The following AFAP1L1 variants were observed in gnomAD, a reference collection of about 807,000 sequenced individuals.
AFAP1L1 encodes the protein actin filament-associated protein 1-like 1.
In AFAP1L1, 77 loss-of-function variants were observed where a neutral mutation model predicts 99.8. The ratio of observed to expected loss-of-function variants is 0.77; its 90% CI spans 0.64 to 0.93. The LOEUF is 0.93. Ranked by LOEUF, AFAP1L1 falls within the 40% of genes least tolerant of loss-of-function variation. The pLI, the probability that AFAP1L1 is intolerant of heterozygous loss-of-function variation, is 0.00. For synonymous variants in AFAP1L1, 373 were observed against 395.3 expected, an observed-to-expected ratio of 0.94 and a Z score of 0.67; for missense variants, 893 against 996.8, an observed-to-expected ratio of 0.90 and a Z score of 1.40.
intron 2 of AFAP1L1, among the ~76,000 whole-genome samples, chr5:149,299,971 C>T (rs969373444): frequency 6.6e-6 from 1 of 152,076 alleles, no homozygotes; most frequent in African/African-American, 2.4e-5. Context: ...ACAACACACA[C>T]AGCCCCTCAC....
Position 149,312,313 on chromosome 5 carries a change from C to G in AFAP1L1, c.1020+109C>G, listed in dbSNP as rs745937102. On this transcript the variant is annotated intron_variant, in intron 9 of 18. Coordinates refer to ENST00000296721, the MANE Select transcript of AFAP1L1 (RefSeq NM_152406.4). ...GGGGGAAAGTCAGGCAACTGCCAAACTGTAGGTGCCCAGCACAGAGCTGGC... is the reference window on the plus strand; with the variant it reads ...GGGGGAAAGTCAGGCAACTGCCAAAGTGTAGGTGCCCAGCACAGAGCTGGC... The G allele has an allele frequency of 1.5e-5, 15 of 1,016,956 alleles. No individual in the cohort carries two copies. The South Asian group carries it at 1.8e-4, about 12-fold the overall frequency. 63.0% of individuals were successfully genotyped at this position (1,016,956 alleles called of 1,614,324 possible).
intron 5 of AFAP1L1, 129 bp from the exon 6 acceptor site, chr5:149,306,177 C>T (rs1429311719): frequency 1.5e-5 from 10 of 688,670 alleles, no homozygotes; most frequent in Non-Finnish European, 2.2e-5. Context: ...CACACCCTGG[C>T]CTGAGCTGCT....
rs1453034707 is a variant in AFAP1L1 at position 149,341,416 on chromosome 5, C to T, written c.*1386C>T. ...ATAGGGCTAGGTTTGAGCCATGCCTCTAATGACCAGCTGGGTGACCTTGGG... is the reference window on the plus strand; with the variant it reads ...ATAGGGCTAGGTTTGAGCCATGCCTTTAATGACCAGCTGGGTGACCTTGGG... On this transcript the variant is annotated 3_prime_UTR_variant, in exon 19 of 19. Transcript: ENST00000296721. The T allele has an allele frequency of 6.6e-6, 1 of 152,190 alleles. No homozygotes were observed. The highest frequency in any genetic ancestry group is 1.5e-5 in the Non-Finnish European group (1 of 68,044). 9.4% of individuals were successfully genotyped at this position (152,190 alleles called of 1,614,324 possible). A position where few individuals can be genotyped will look rare whatever the true frequency, so the allele number is the denominator to read the frequency against.
intron 17 of AFAP1L1, among the ~76,000 whole-genome samples, chr5:149,333,452 C>T (rs1026574911): frequency 6.6e-6 from 1 of 152,186 alleles, no homozygotes; most frequent in African/African-American, 2.4e-5. Context: ...TCTCACATGC[C>T]CTCTCCTGAG....
At chr5:149,324,008 T>A (rs936109610) in intron 15 of AFAP1L1, among the ~76,000 whole-genome samples, 1 of 152,244 alleles carries the variant, frequency 6.6e-6, no homozygotes, top group African/African-American at 2.4e-5. Flanking sequence ...AAAGTGGAGC[T>A]ACTCTGGTTG....
In AFAP1L1 at chr5:149,343,038, A is replaced by G. The variant is rs1757601071; in HGVS notation, c.*3008A>G. ...CTGTTTCCTTATTGCGGGATCTTGC[A>G]TAGGTTTACCAACCTTTCTGAGCCT... On this transcript the variant is annotated 3_prime_UTR_variant, in exon 19 of 19. Transcript: ENST00000296721. Among the ~76,000 whole-genome samples the G allele has an allele frequency of 6.6e-6, 1 of 152,206 alleles. No individual in the cohort carries two copies. Among genetic ancestry groups the G allele is most frequent in the Non-Finnish European group, 1.5e-5 (1 of 68,034 alleles).
chr5:149,321,858 G>A (rs377612435), intron 14 of AFAP1L1, among the ~76,000 whole-genome samples: 1 of 151,768 alleles, frequency 6.6e-6, no homozygotes, highest in Admixed American at 6.6e-5. Context: ...TGGCCAACAT[G>A]GCAAAACCCT....
chr5:149,307,828 C>G (rs867063776), intron 7 of AFAP1L1, among the ~76,000 whole-genome samples: 4 of 128,340 alleles, frequency 3.1e-5, no homozygotes, highest in Non-Finnish European at 6.9e-5. Flanking sequence ...TTCTCTCTCT[C>G]TCTCTCTCTC....
At chr5:149,302,844 T>G (rs1320980301) in intron 5 of AFAP1L1, among the ~76,000 whole-genome samples, 1 of 152,204 alleles carries the variant, frequency 6.6e-6, no homozygotes, top group Non-Finnish European at 1.5e-5. Context: ...ACCATGTCAG[T>G]GTGCTAGGAG....
Position 149,320,157 on chromosome 5 carries a change from G to C in AFAP1L1, c.1626-234G>C, listed in dbSNP as rs1332482114. Among the ~76,000 whole-genome samples, 2 of 152,228 alleles carry C rather than the reference G, an allele frequency of 1.3e-5. No individual in the cohort carries two copies. Among genetic ancestry groups the C allele is most frequent in the African/African-American group, 4.8e-5 (2 of 41,462 alleles). On this transcript the variant is annotated intron_variant, in intron 13 of 18. Transcript: ENST00000296721. The surrounding 1 kb of genome is among the most constrained non-coding windows in gnomAD (Gnocchi z 4.0). ...TCGGATCTCTGTTTTCTGACTCATA[G>C]AATGGTGGTGATGAATTACCTGCCT... is the stretch of plus-strand genomic sequence containing the variant.
intron 1 of AFAP1L1, among the ~76,000 whole-genome samples, chr5:149,277,608 A>G (rs549834259): frequency 5.3e-5 from 8 of 152,328 alleles, no homozygotes; most frequent in African/African-American, 1.9e-4. Flanking sequence ...CCTTATCCAT[A>G]TTCGAATCAT....
Position 149,315,985 on chromosome 5 carries a change from G to A in AFAP1L1, c.1114+71G>A, listed in dbSNP as rs374211562. Reference sequence around the variant, plus strand: ...CGGGCCTTGCCCATGGGCACACAGCGGCAGAGCAGGTTCTGACCATTCTGT... The same window carrying A: ...CGGGCCTTGCCCATGGGCACACAGCAGCAGAGCAGGTTCTGACCATTCTGT... On this transcript the variant is annotated intron_variant, in intron 10 of 18. Transcript: ENST00000296721. 93 of 1,597,206 alleles carry A rather than the reference G, an allele frequency of 5.8e-5. No homozygotes were observed. The East Asian group carries it at 1.4e-3, about 25-fold the overall frequency.
chr5:149,319,531 G>A (rs1756892249), intron 12 of AFAP1L1, 51 bp from the exon 13 acceptor site: 3 of 1,551,088 alleles, frequency 1.9e-6, no homozygotes, highest in Non-Finnish European at 1.7e-6. Flanking sequence ...CAGGTCTCCA[G>A]GAGCCCTGAC....
chr5:149,288,931 T>C (rs1325088515), intron 1 of AFAP1L1, among the ~76,000 whole-genome samples: 1 of 152,194 alleles, frequency 6.6e-6, no homozygotes, highest in Non-Finnish European at 1.5e-5. Context: ...GCCTGACTCC[T>C]GGGAAGAGTG....
Position 149,302,536 on chromosome 5 carries a change from G to A in AFAP1L1, c.436+10G>A, listed in dbSNP as rs1412692345. The A allele has an allele frequency of 3.2e-6, 5 of 1,564,598 alleles. No homozygotes were observed. Among genetic ancestry groups the A allele is most frequent in the Admixed American group, 1.9e-5 (1 of 52,486 alleles). ...TACATCAGCTCCCACAGTAAGTTCTGGTCCTCTTGGTGGGGCTGGGGACTT... is the reference window on the plus strand; with the variant it reads ...TACATCAGCTCCCACAGTAAGTTCTAGTCCTCTTGGTGGGGCTGGGGACTT... On this transcript the variant is annotated intron_variant, in intron 5 of 18. Coordinates refer to ENST00000296721, the MANE Select transcript of AFAP1L1 (RefSeq NM_152406.4).
intron 1 of AFAP1L1, among the ~76,000 whole-genome samples, chr5:149,296,035 C>T (rs557633535): frequency 6.6e-6 from 1 of 152,142 alleles, no homozygotes; most frequent in South Asian, 2.1e-4. Flanking sequence ...AATTTGGAGT[C>T]CTCAACAATT....
rs1487743768 is a variant in AFAP1L1, at chr5:149,342,173, AAGG to A, written c.*2146_*2148del. On this transcript the variant is annotated 3_prime_UTR_variant, in exon 19 of 19. Coordinates refer to ENST00000296721, the MANE Select transcript of AFAP1L1 (RefSeq NM_152406.4). ...ATTGCCTTCTTAATCATATTTGAAC[AAGG>A]AGTTCTGCTTTTCCTTTTGCCCTTT... Among the ~76,000 whole-genome samples the A allele has an allele frequency of 6.6e-6, 1 of 152,326 alleles. No individual in the cohort carries two copies. Among genetic ancestry groups the A allele is most frequent in the Non-Finnish European group, 1.5e-5 (1 of 68,026 alleles).
At chr5:149,335,744 T>C in intron 18 of AFAP1L1, 22 bp downstream of exon 18, 1 of 1,603,614 alleles carries the variant, frequency 6.2e-7, no homozygotes, top group Non-Finnish European at 8.5e-7. Flanking sequence ...GTTCTGCTCC[T>C]CAAAAATCAG....
At chr5:149,297,600 G>A (rs1033333614) in intron 1 of AFAP1L1, among the ~76,000 whole-genome samples, 3 of 152,160 alleles carry the variant, frequency 2.0e-5, no homozygotes, top group Non-Finnish European at 4.4e-5. Context: ...CGAGTTTGGG[G>A]TGATGATGGA....
Sources: gnomAD v4.1 joint callset for allele counts (sites outside exome capture counted in the v4.1 genomes callset) on GRCh38, gnomAD v4.1.1 for gene constraint, Gnocchi (gnomAD v3.1) non-coding constraint, MANE v1.5 for transcripts, NCBI Gene and HGNC (gene_info 2026-07-23, HGNC 2026-07-21) for gene names.